GPC6: variants seen among roughly 807,000 people sequenced by gnomAD.
The protein encoded by GPC6 is glypican 6, also known as glypican-6.
GPC6 carries 14 observed loss-of-function variants against 55.2 expected under a neutral mutation model. That is an observed-to-expected ratio of 0.25 (90% CI 0.17 to 0.40). GPC6 has a LOEUF of 0.40. Ranked by LOEUF, GPC6 falls within the 10% of genes least tolerant of loss-of-function variation. The probability of loss-of-function intolerance (pLI) is 1.00; values close to 1 mark genes in which losing one functional copy is unlikely to be tolerated. For missense variants in GPC6, 641 were observed against 708.5 expected, an observed-to-expected ratio of 0.90 and a Z score of 1.08; for synonymous variants, 278 against 259.6, an observed-to-expected ratio of 1.07 and a Z score of -0.68.
intron 2 of GPC6, among the ~76,000 whole-genome samples, chr13:93,638,118 T>C (rs1879771409): frequency 6.6e-6 from 1 of 152,148 alleles, no homozygotes; most frequent in Non-Finnish European, 1.5e-5. Flanking sequence ...ACATTGTAGC[T>C]TATAGCTAAA....
intron 4 of GPC6, chr13:94,187,867 T>C (rs1889256462): frequency 6.6e-6 from 1 of 152,222 alleles, no homozygotes; most frequent in Non-Finnish European, 1.5e-5. Context: ...TGTTTGTGCC[T>C]TACCTTGTCA....
chr13:93,989,297 G>T (rs973069456), intron 3 of GPC6, among the ~76,000 whole-genome samples: 3 of 152,146 alleles, frequency 2.0e-5, no homozygotes, highest in African/African-American at 7.2e-5. Flanking sequence ...TTTCTTGAGT[G>T]CAGGGACCAT....
intron 1 of GPC6, among the ~76,000 whole-genome samples, chr13:93,403,333 G>A (rs997779305): frequency 1.3e-5 from 2 of 152,116 alleles, no homozygotes; most frequent in African/African-American, 4.8e-5. Context: ...ACACTGGTTG[G>A]TCTGGCTCTT....
intron 2 of GPC6, among the ~76,000 whole-genome samples, chr13:93,634,497 T>C (rs1203048530): frequency 2.6e-5 from 4 of 152,216 alleles, no homozygotes; most frequent in Non-Finnish European, 4.4e-5. Flanking sequence ...TAAACGGTGG[T>C]TTAAACAAAT....
chr13:93,946,721 C>A (rs2389078), intron 3 of GPC6, among the ~76,000 whole-genome samples: 116,360 of 152,062 alleles, frequency 0.77, 44,738 homozygotes, highest in South Asian at 0.81. Flanking sequence ...ACTATCAACC[C>A]CAAGCTCATC....
At chr13:94,295,639 G>T (rs1875293148) in intron 5 of GPC6, among the ~76,000 whole-genome samples, 1 of 152,154 alleles carries the variant, frequency 6.6e-6, no homozygotes, top group African/African-American at 2.4e-5. Context: ...TCTAGTCTGT[G>T]CCTGTTGGCT....
At chr13:93,277,686 T>G (rs899209364) in intron 1 of GPC6, among the ~76,000 whole-genome samples, 1 of 152,170 alleles carries the variant, frequency 6.6e-6, no homozygotes, top group African/African-American at 2.4e-5. Flanking sequence ...AGTAATTAAC[T>G]TTTTAAAAAT....
At chr13:93,478,453 G>A (rs143997619) in intron 1 of GPC6, among the ~76,000 whole-genome samples, 111 of 152,258 alleles carry the variant, frequency 7.3e-4, no homozygotes, top group African/African-American at 2.5e-3. Flanking sequence ...TTGTCACCCT[G>A]ACATCAACAA....
intron 4 of GPC6, among the ~76,000 whole-genome samples, chr13:94,111,460 A>C (rs1886242855): frequency 8.1e-6 from 1 of 123,482 alleles, no homozygotes; most frequent in Non-Finnish European, 1.6e-5. Context: ...TGTATTCCAG[A>C]ACTTAAAGTA....
chr13:93,692,607 A>G (rs1403241524), intron 2 of GPC6, among the ~76,000 whole-genome samples: 1 of 152,040 alleles, frequency 6.6e-6, no homozygotes, highest in East Asian at 1.9e-4. Context: ...GAAAATATAG[A>G]AATTTTCCTT....
At chr13:94,026,749 A>C (rs200104356) in intron 3 of GPC6, among the ~76,000 whole-genome samples, 2 of 152,176 alleles carry the variant, frequency 1.3e-5, no homozygotes, top group African/African-American at 4.8e-5. Context: ...AAGAAACTAC[A>C]ATCATGGCAG....
At chr13:94,302,316 G>C (rs375251986) in intron 5 of GPC6, among the ~76,000 whole-genome samples, 1 of 152,136 alleles carries the variant, frequency 6.6e-6, no homozygotes, top group African/African-American at 2.4e-5. Context: ...CCTTCCCACT[G>C]TGTCCTCACA....
chr13:93,465,411 C>T (rs930255714), intron 1 of GPC6, among the ~76,000 whole-genome samples: 3 of 152,176 alleles, frequency 2.0e-5, no homozygotes, highest in Non-Finnish European at 2.9e-5. Flanking sequence ...CTAGATCATC[C>T]AGATAAACTT....
chr13:93,323,462 C>T (rs954258248), intron 1 of GPC6, among the ~76,000 whole-genome samples: 2 of 152,100 alleles, frequency 1.3e-5, no homozygotes, highest in Non-Finnish European at 2.9e-5. Flanking sequence ...AAACTTCCAC[C>T]TCATTTCTTC....
At chr13:94,237,752 G>A (rs1054967743) in intron 4 of GPC6, among the ~76,000 whole-genome samples, 14 of 152,122 alleles carry the variant, frequency 9.2e-5, no homozygotes, top group Middle Eastern at 3.2e-3. Context: ...GATCGTGCAG[G>A]GTTTGTAAGC....
intron 3 of GPC6, among the ~76,000 whole-genome samples, chr13:93,846,951 C>G (rs1388892445): frequency 6.6e-6 from 1 of 152,036 alleles, no homozygotes; most frequent in African/African-American, 2.4e-5. Flanking sequence ...AAAATATCTC[C>G]CTAGGAAGCC....
chr13:93,339,998 T>TTCAAA (rs1340447914), intron 1 of GPC6, among the ~76,000 whole-genome samples: 1 of 150,946 alleles, frequency 6.6e-6, no homozygotes, highest in African/African-American at 2.4e-5. Flanking sequence ...TAATAATCCA[T>TTCAAA]TCAAAAACAA....
intron 6 of GPC6, among the ~76,000 whole-genome samples, chr13:94,308,956 A>C (rs897288660): frequency 6.6e-6 from 1 of 152,220 alleles, no homozygotes; most frequent in Admixed American, 6.5e-5. Context: ...ACTCCAGTCC[A>C]ACAGTCAAAC....
intron 3 of GPC6, among the ~76,000 whole-genome samples, chr13:93,866,060 C>T (rs1888956176): frequency 6.6e-6 from 1 of 151,646 alleles, no homozygotes; most frequent in Non-Finnish European, 1.5e-5. Flanking sequence ...GAATCAATGG[C>T]CTGATGTGTC....
Sources: allele counts gnomAD v4.1 joint callset (sites outside exome capture counted in the v4.1 genomes callset), GRCh38; gene constraint gnomAD v4.1.1; transcripts MANE v1.5; gene names NCBI Gene and HGNC (gene_info 2026-07-23, HGNC 2026-07-21).